Variants in SSPN observed in about 807,000 individuals in gnomAD.
The protein encoded by SSPN is K-ras oncogene-associated protein.
A neutral mutation model predicts 19.1 loss-of-function variants in SSPN; 15 were observed. The ratio of observed to expected loss-of-function variants is 0.78; its 90% confidence interval spans 0.52 to 1.21. The LOEUF (loss-of-function observed/expected upper bound fraction) is 1.21, where lower values mean the gene tolerates loss of function less well. Ranked by LOEUF, SSPN falls within the 50% of genes most tolerant of loss-of-function variation. The pLI, the probability that SSPN is intolerant of heterozygous loss-of-function variation, is 0.00. For missense variants in SSPN, 291 were observed against 314.0 expected (o/e 0.93, Z 0.55); for synonymous variants, 147 against 140.3 (o/e 1.05, Z -0.34).
At chr12:26,128,316 T>C (rs952092744) in intron 1 of SSPN, among the ~76,000 whole-genome samples, 7 of 152,158 alleles carry the variant, frequency 4.6e-5, no homozygotes, top group African/African-American at 1.4e-4. Flanking sequence ...ATGACAGAGA[T>C]AAGAAAAGCT....
At chr12:26,177,861 C>T (rs749281503) in intron 1 of SSPN, among the ~76,000 whole-genome samples, 113 of 152,296 alleles carry the variant, frequency 7.4e-4, no homozygotes, top group Middle Eastern at 3.4e-3. Flanking sequence ...ATATCTCTCA[C>T]GTGTATCATG....
At chr12:26,146,392 C>T (rs745965112) in intron 1 of SSPN, among the ~76,000 whole-genome samples, 20 of 152,120 alleles carry the variant, frequency 1.3e-4, no homozygotes, top group African/African-American at 4.3e-4. Context: ...CATGTAAGAG[C>T]GGTAAGGGAC....
chr12:26,138,541 T>A (rs550349899), intron 1 of SSPN, among the ~76,000 whole-genome samples: 6 of 152,302 alleles, frequency 3.9e-5, no homozygotes, highest in African/African-American at 1.2e-4. Flanking sequence ...ATGTGGTTAT[T>A]GAGCAGTTAA....
At position 26,124,030 on chromosome 12, in the gene SSPN, A is replaced by G. The variant is rs776829500; in HGVS notation, c.-31+1878A>G. ...CTGGGAGTCGCACCAGACTATTAAC[A>G]CGCCCTTGGAGAGCAGCAAAGAATG... On this transcript the variant is annotated intron_variant, in intron 1 of 2. Coordinates refer to the SSPN transcript ENST00000538142. 4 of 1,314,234 alleles carry G rather than the reference A, an allele frequency of 3.0e-6. No individual in the cohort carries two copies. The Admixed American group carries it at 6.7e-5, about 22-fold the overall frequency. 81.4% of individuals were successfully genotyped at this position (1,314,234 alleles called of 1,614,324 possible).
At chr12:26,179,452 G>A (rs1565679553) in intron 1 of SSPN, among the ~76,000 whole-genome samples, 1 of 152,142 alleles carries the variant, frequency 6.6e-6, no homozygotes. Context: ...CTCTGAAGGG[G>A]GAGTAGGGGT....
intron 1 of SSPN, among the ~76,000 whole-genome samples, chr12:26,221,193 C>T (rs1446762404): frequency 2.0e-5 from 3 of 152,076 alleles, no homozygotes; most frequent in Admixed American, 6.5e-5. Flanking sequence ...TGCCTTTGCA[C>T]GTACTATTAC....
chr12:26,170,260 A>G (rs1044710246), intron 1 of SSPN, among the ~76,000 whole-genome samples: 3 of 152,240 alleles, frequency 2.0e-5, no homozygotes, highest in Non-Finnish European at 4.4e-5. Flanking sequence ...TTTGTACTAT[A>G]CAAAGTTAAA....
At chr12:26,157,916 A>G in intron 1 of SSPN, among the ~76,000 whole-genome samples, 1 of 152,184 alleles carries the variant, frequency 6.6e-6, no homozygotes, top group East Asian at 1.9e-4. Context: ...TAGGATTCAA[A>G]GTATTTTTAT....
At chr12:26,138,110 C>T (rs1299407276) in intron 1 of SSPN, among the ~76,000 whole-genome samples, 1 of 152,170 alleles carries the variant, frequency 6.6e-6, no homozygotes, top group African/African-American at 2.4e-5. Context: ...CTATGCACAT[C>T]CTCCCGTATA....
intron 2 of SSPN, 94 bp from the exon 3 acceptor site, chr12:26,230,617 A>C: frequency 7.0e-7 from 1 of 1,433,412 alleles, no homozygotes; most frequent in Admixed American, 2.4e-5. Context: ...AATTTCTGGG[A>C]GGGAAGAAAA....
intron 1 of SSPN, among the ~76,000 whole-genome samples, chr12:26,161,476 C>T (rs894477768): frequency 2.0e-5 from 3 of 152,190 alleles, no homozygotes; most frequent in Admixed American, 1.3e-4. Flanking sequence ...TGCAATTTAG[C>T]GCCCACCACT....
At chr12:26,226,143 TG>T (rs1451981332) in intron 2 of SSPN, among the ~76,000 whole-genome samples, 4 of 152,184 alleles carry the variant, frequency 2.6e-5, no homozygotes, top group Admixed American at 6.5e-5. Context: ...TCTTGATGCT[TG>T]CTGCTAGCTC....
chr12:26,163,032 CGTGTGT>C (rs138827156), intron 1 of SSPN, among the ~76,000 whole-genome samples: 353 of 146,058 alleles, frequency 2.4e-3, no homozygotes, highest in African/African-American at 8.8e-3. Context: ...TGCTTCAAGA[CGTGTGT>C]GTGTGTGTGT....
intron 2 of SSPN, among the ~76,000 whole-genome samples, chr12:26,227,061 C>T (rs1945185579): frequency 6.6e-6 from 1 of 152,152 alleles, no homozygotes; most frequent in African/African-American, 2.4e-5. Context: ...GCCTCCCGCG[C>T]CGGGCTTTTA....
chr12:26,122,170 G>A, intron 1 of SSPN: 1 of 1,508,808 alleles, frequency 6.6e-7, no homozygotes, highest in African/African-American at 1.4e-5. Context: ...CGGCCGTGCG[G>A]GTGCTGGGGG....
chr12:26,124,287 G>T, intron 1 of SSPN: 1 of 583,212 alleles, frequency 1.7e-6, no homozygotes. Context: ...AACATACTAT[G>T]TGATAAACTA....
At chr12:26,182,453 A>G (rs1944724363) in intron 1 of SSPN, among the ~76,000 whole-genome samples, 2 of 152,198 alleles carry the variant, frequency 1.3e-5, no homozygotes, top group South Asian at 4.1e-4. Flanking sequence ...TCCAAAGAAA[A>G]TGTTTTGAGC....
chr12:26,128,771 T>C (rs1453861954), intron 1 of SSPN, among the ~76,000 whole-genome samples: 1 of 152,216 alleles, frequency 6.6e-6, no homozygotes, highest in Non-Finnish European at 1.5e-5. Flanking sequence ...TTGCTTTCAA[T>C]TAAAGATATC....
chr12:26,213,715 G>T (rs1255978409), intron 1 of SSPN, among the ~76,000 whole-genome samples: 1 of 151,744 alleles, frequency 6.6e-6, no homozygotes, highest in Non-Finnish European at 1.5e-5. Flanking sequence ...ATTTTTTAAG[G>T]GAGAACATAT....
Sources: gnomAD v4.1 joint callset for allele counts (sites outside exome capture counted in the v4.1 genomes callset) on GRCh38, gnomAD v4.1.1 for gene constraint, MANE v1.5 for transcripts, NCBI Gene and HGNC (gene_info 2026-07-23, HGNC 2026-07-21) for gene names.